Variants in UBE3B observed in about 807,000 individuals in gnomAD.
UBE3B encodes the protein ubiquitin-protein ligase E3B.
UBE3B carries 80 observed loss-of-function variants against 132.3 expected under a neutral mutation model. The observed-to-expected ratio is 0.60, with a 90% CI of 0.50 to 0.73. UBE3B has a LOEUF of 0.73. UBE3B is among the 30% of genes least tolerant of loss of function. The pLI is 0.00. For missense variants in UBE3B, 1,196 were observed against 1,362.5 expected (o/e 0.88, Z 1.92); for synonymous variants, 487 against 520.4 (o/e 0.94, Z 0.87).
At chr12:109,498,458 G>A in intron 11 of UBE3B, 105 bp downstream of exon 11, 1 of 1,331,662 alleles carries the variant, frequency 7.5e-7, no homozygotes, top group Non-Finnish European at 1.0e-6. Flanking sequence ...TGTAACAATT[G>A]GAAGTGCTTA....
At chr12:109,485,730 T>G (rs534045429) in intron 4 of UBE3B, among the ~76,000 whole-genome samples, 1 of 152,330 alleles carries the variant, frequency 6.6e-6, no homozygotes, top group Admixed American at 6.5e-5. Flanking sequence ...AGATTGATAC[T>G]GTTTTTTGAA....
intron 14 of UBE3B, among the ~76,000 whole-genome samples, chr12:109,504,082 G>C (rs998511664): frequency 2.6e-5 from 4 of 152,228 alleles, no homozygotes; most frequent in African/African-American, 9.6e-5. Flanking sequence ...CTCATGTAAT[G>C]ATGGGCACTG....
chr12:109,510,756 G>A (rs1327432809), intron 17 of UBE3B, among the ~76,000 whole-genome samples: 1 of 152,226 alleles, frequency 6.6e-6, no homozygotes, highest in African/African-American at 2.4e-5. Flanking sequence ...GAGCAACAGA[G>A]CATGAGAGTT....
chr12:109,494,627 T>G (rs939881848), intron 9 of UBE3B, among the ~76,000 whole-genome samples: 1 of 152,226 alleles, frequency 6.6e-6, no homozygotes, highest in Admixed American at 6.5e-5. Context: ...CAGAGGTACT[T>G]AAATGCAACA....
intron 24 of UBE3B, 139 bp downstream of exon 24, chr12:109,526,555 AGTTCATAGGCCAGAATT>A: frequency 2.2e-6 from 2 of 896,194 alleles, no homozygotes; most frequent in Non-Finnish European, 1.7e-6. Context: ...TACTGGTTAC[AGTTCATAGGCCAGAATT>A]GTATTAAATT....
intron 7 of UBE3B, 106 bp from the exon 8 acceptor site, chr12:109,489,813 A>T (rs1238157381): frequency 1.0e-6 from 1 of 959,336 alleles, no homozygotes; most frequent in African/African-American, 1.6e-5. Context: ...GCCAGGGGGT[A>T]TCTCATTTCT....
At chr12:109,510,314 C>T (rs1005928682) in intron 16 of UBE3B, 30 bp from the exon 17 acceptor site, 3 of 1,560,186 alleles carry the variant, frequency 1.9e-6, no homozygotes, top group South Asian at 1.2e-5. Flanking sequence ...CTGACTCCTC[C>T]TCTGACTTTC....
downstream of UBE3B, among the ~76,000 whole-genome samples, chr12:109,539,283 G>A (rs12309013): frequency 0.23 from 34,615 of 152,136 alleles, 4,174 homozygotes; most frequent in Middle Eastern, 0.28. Flanking sequence ...CAGCCTAGGC[G>A]GCATTCATAG....
chr12:109,511,455 T>TA, intron 18 of UBE3B, 152 bp downstream of exon 18: 1 of 699,258 alleles, frequency 1.4e-6, no homozygotes, highest in Non-Finnish European at 2.4e-6. Flanking sequence ...TTGGTGAGGT[T>TA]ACACCCAGTG....
intron 2 of UBE3B, 72 bp from the exon 3 acceptor site, chr12:109,483,459 C>A: frequency 6.8e-7 from 1 of 1,461,500 alleles, no homozygotes; most frequent in Non-Finnish European, 9.1e-7. Flanking sequence ...CCACCCTCTG[C>A]TCTTGAGCCC....
intron 2 of UBE3B, among the ~76,000 whole-genome samples, chr12:109,482,354 C>T (rs1446714342): frequency 6.6e-6 from 1 of 152,120 alleles, no homozygotes; most frequent in East Asian, 1.9e-4. Context: ...TTGGAGTCTC[C>T]ATTATCTTAT....
At chr12:109,490,434 C>G in intron 8 of UBE3B, 4 of 1,533,682 alleles carry the variant, frequency 2.6e-6, no homozygotes, top group Non-Finnish European at 3.5e-6. Flanking sequence ...TTTAAAGGTA[C>G]AATGGAAGTC....
chr12:109,489,716 G>A (rs186356872), intron 7 of UBE3B, among the ~76,000 whole-genome samples: 2 of 152,334 alleles, frequency 1.3e-5, no homozygotes, highest in Admixed American at 1.3e-4. Flanking sequence ...GGTGACACTT[G>A]AGCCAGGCCT....
At chr12:109,519,232 G>A (rs182265174) in intron 19 of UBE3B, among the ~76,000 whole-genome samples, 50 of 152,318 alleles carry the variant, frequency 3.3e-4, no homozygotes, top group African/African-American at 1.2e-3. Context: ...GCTGGGCCTG[G>A]AAGCCAGGCA....
chr12:109,499,891 T>A, intron 12 of UBE3B, 81 bp downstream of exon 12: 1 of 1,327,070 alleles, frequency 7.5e-7, no homozygotes, highest in Non-Finnish European at 9.9e-7. Flanking sequence ...TTCCAGCTTG[T>A]GGTGTTTTGT....
chr12:109,547,407 C>T, the UBE3B span, among the ~76,000 whole-genome samples: 1 of 152,380 alleles, frequency 6.6e-6, no homozygotes, highest in East Asian at 1.9e-4. This position sits in a 1 kb window ranked among gnomAD's most constrained non-coding sequence, Gnocchi z 4.1. Flanking sequence ...TCATCGAGTT[C>T]CATCCTGAGA....
chr12:109,501,802 G>A (rs1466952249), intron 13 of UBE3B, among the ~76,000 whole-genome samples: 1 of 151,856 alleles, frequency 6.6e-6, no homozygotes, highest in Non-Finnish European at 1.5e-5. Context: ...CTACAGGCGT[G>A]TACTGCCATG....
chr12:109,493,648 T>G (rs16940266), intron 9 of UBE3B, among the ~76,000 whole-genome samples: 1,859 of 152,312 alleles, frequency 0.012, 31 homozygotes, highest in African/African-American at 0.038. Flanking sequence ...CCTTTTAAAG[T>G]AAGATATCAG....
At chr12:109,538,534 T>A (rs571379435), downstream of UBE3B, among the ~76,000 whole-genome samples, 208 of 152,348 alleles carry the variant, frequency 1.4e-3, no homozygotes, top group African/African-American at 3.9e-3. The surrounding 1 kb of genome is among the most constrained non-coding windows in gnomAD (Gnocchi z 4.1). Context: ...TTAAATGCAG[T>A]TACATATGAC....
Sources: allele counts gnomAD v4.1 joint callset (sites outside exome capture counted in the v4.1 genomes callset), GRCh38; gene constraint gnomAD v4.1.1; non-coding constraint Gnocchi (gnomAD v3.1); transcripts MANE v1.5; gene names NCBI Gene and HGNC (gene_info 2026-07-23, HGNC 2026-07-21).